Variants in ZNF142 observed in about 807,000 individuals in gnomAD.
ZNF142 encodes the protein zinc finger protein 142 (clone pHZ-49).
A neutral mutation model predicts 132.1 loss-of-function variants in ZNF142; 96 were observed. The ratio of observed to expected loss-of-function variants is 0.73; its 90% CI spans 0.62 to 0.86. The LOEUF (loss-of-function observed/expected upper bound fraction) is 0.86, where lower values mean the gene tolerates loss of function less well. ZNF142 is among the 40% of genes least tolerant of loss of function. ZNF142 has a pLI of 0.00. For synonymous variants in ZNF142, 842 were observed against 890.1 expected (o/e 0.95, Z 0.96); for missense variants, 2,163 against 2,336.2 (o/e 0.93, Z 1.53).
intron 4 of ZNF142, among the ~76,000 whole-genome samples, chr2:218,654,839 C>T (rs1222800387): frequency 6.6e-6 from 1 of 151,504 alleles, no homozygotes; most frequent in African/African-American, 2.4e-5. Flanking sequence ...AATCCCAAAA[C>T]TTTAGGAGGC....
rs1315499088 is a variant in ZNF142, at chr2:218,651,753, T to C, written c.828A>G (p.Thr276=). 3 of 1,289,712 alleles carry C rather than the reference T, an allele frequency of 2.3e-6. No individual in the cohort carries two copies. The highest frequency in any genetic ancestry group is 3.0e-6 in the Non-Finnish European group (3 of 988,862). The allele number at this position is 1,289,712 out of a possible 1,614,324, so 79.9% of individuals were successfully genotyped here. Residue 276 remains threonine, a synonymous_variant, in exon 5 of 11, where the codon ACA becomes ACG. Transcript: ENST00000411696. ...CCTGAACGGCAGAAAGTTCTCCCTG[T>C]GTCCCAGCACCATGGCTCCGCTGAT... ...RQHQRSHGAG[T]QGELSAVQGL... is the part of the protein sequence containing the mutation.
In ZNF142 at chr2:218,642,235, G is replaced by C; in HGVS notation, c.4881C>G (p.Pro1627=). Residue 1627 remains proline, a synonymous_variant, in exon 9 of 11, where the codon CCC becomes CCG. Coordinates refer to ENST00000411696, the MANE Select transcript of ZNF142 (RefSeq NM_001379659.1). The surrounding 1 kb of genome is among the most constrained non-coding windows in gnomAD (Gnocchi z 4.6). The part of the protein sequence containing the change: ...GDAGQPPLHC[P]FCDFTCRHQL... The stretch of plus-strand genomic sequence containing the variant: ...GATGGCGGCATGTGAAGTCACAAAA[G>C]GGGCAGTGTAGCGGGGGCTGGCCAG... 6.2e-7 allele frequency: 1 copy of C among 1,614,224 alleles called. No individual in the cohort carries two copies. The highest frequency in any genetic ancestry group is 8.5e-7 in the Non-Finnish European group (1 of 1,180,046).
Position 218,640,780 on chromosome 2 carries a change from C to A in ZNF142, c.5089-11G>T, listed in dbSNP as rs1171937576. The A allele has an allele frequency of 6.8e-6, 11 of 1,612,398 alleles. No individual in the cohort carries two copies. Among genetic ancestry groups the A allele is most frequent in the South Asian group, 1.1e-5 (1 of 90,948 alleles). On this transcript the variant is annotated splice_polypyrimidine_tract_variant and intron_variant, in intron 9 of 10. Coordinates refer to ENST00000411696, the MANE Select transcript of ZNF142 (RefSeq NM_001379659.1). ...GATCCGCATGTGGTACTGGAAGAGG[C>A]AAGAGCAAAAAGCAGAAAATATAGT...
In ZNF142 at chr2:218,638,565, A is replaced by AG; in HGVS notation, c.5437dup (p.Leu1813ProfsTer34). The AG allele has an allele frequency of 3.7e-6, 6 of 1,611,462 alleles. No individual in the cohort carries two copies. Among genetic ancestry groups the AG allele is most frequent in the Non-Finnish European group, 5.1e-6 (6 of 1,177,922 alleles). On this transcript the variant is annotated frameshift_variant, in exon 11 of 11. Transcript: ENST00000411696. LOFTEE classifies it high-confidence loss of function. ...GAAGGGGTGGCGGTCGGTGTGGGTG[A>AG]GGGCATGATGGCGCAGGCCAGCAGC...
chr2:218,644,802 C>CA lies in ZNF142; in HGVS notation c.2313dup (p.Glu772Ter), dbSNP rs769064323. ...TAGTCACAGAGGGCACAGTGGAACT[C>CA]ACGGAGGCGGGTATGCTTGCAGTTC... is the stretch of plus-strand genomic sequence containing the variant. On this transcript the variant is annotated frameshift_variant, in exon 9 of 11. Transcript: ENST00000411696. LOFTEE classifies it high-confidence loss of function. This position sits in a 1 kb window ranked among gnomAD's most constrained non-coding sequence, Gnocchi z 4.6. 1 of 1,614,234 alleles carries CA rather than the reference C, an allele frequency of 6.2e-7. No homozygotes were observed.
In ZNF142 at chr2:218,644,590, G is replaced by A. The variant is rs371849645; in HGVS notation, c.2526C>T (p.His842=). The A allele has an allele frequency of 3.8e-5, 61 of 1,614,048 alleles. No individual in the cohort carries two copies. Among genetic ancestry groups the A allele is most frequent in the Middle Eastern group, 3.3e-4 (2 of 6,084 alleles). Residue 842 remains histidine, a synonymous_variant, in exon 9 of 11, where the codon CAC becomes CAT. Coordinates refer to ENST00000411696, the MANE Select transcript of ZNF142 (RefSeq NM_001379659.1). The surrounding 1 kb of genome is among the most constrained non-coding windows in gnomAD (Gnocchi z 4.6). ...QLSARPEGPG[H]EPGTVVDPSL... ...TGGGGTCCACCACAGTCCCAGGTTC[G>A]TGACCTGGCCCCTCAGGTCGGGCTG...
rs777863697 is a variant in ZNF142, at chr2:218,643,646, GCAAGA to G, written c.3465_3469del (p.Leu1156HisfsTer20). On this transcript the variant is annotated frameshift_variant, in exon 9 of 11. Coordinates refer to ENST00000411696, the MANE Select transcript of ZNF142 (RefSeq NM_001379659.1). LOFTEE classifies it high-confidence loss of function. Reference sequence around the variant, plus strand: ...AGGGACTGGGGAACCAGAGACTGTGGCAAGAGGCTCTTCTGTTTCTTCTGGCTCCC... The same window carrying G: ...AGGGACTGGGGAACCAGAGACTGTGGGGCTCTTCTGTTTCTTCTGGCTCCC... 2.3e-5 allele frequency: 36 copies of G among 1,550,728 alleles called. No individual in the cohort carries two copies. Among genetic ancestry groups the G allele is most frequent in the Non-Finnish European group, 3.0e-5 (35 of 1,152,140 alleles).
chr2:218,634,555 C>T lies in ZNF142; in HGVS notation c.*3784G>A. The T allele has an allele frequency of 6.2e-7, 1 of 1,614,058 alleles. No homozygotes were observed. Among genetic ancestry groups the T allele is most frequent in the African/African-American group, 1.3e-5 (1 of 75,066 alleles). On this transcript the variant is annotated 3_prime_UTR_variant, in exon 11 of 11. Coordinates refer to ENST00000411696, the MANE Select transcript of ZNF142 (RefSeq NM_001379659.1). The surrounding 1 kb of genome is among the most constrained non-coding windows in gnomAD (Gnocchi z 4.0). ...GTGGCTATGTGCTGAAGCCAGACTT[C>T]CTGCGTGATATCCAGAGTTCTTTCC...
chr2:218,638,276 G>A lies in ZNF142; in HGVS notation c.*63C>T, dbSNP rs1280914665. ...TAGGCTCTGAGCTCCTCAGGCTAGC[G>A]CTGGTCCCAGTCTGCACATCTCAGA... On this transcript the variant is annotated 3_prime_UTR_variant, in exon 11 of 11. Transcript: ENST00000411696. 1.1e-5 allele frequency: 15 copies of A among 1,420,374 alleles called. No individual in the cohort carries two copies. Among genetic ancestry groups the A allele is most frequent in the South Asian group, 1.6e-5 (1 of 63,102 alleles). The allele number at this position is 1,420,374 out of a possible 1,614,324, so 88.0% of individuals were successfully genotyped here.
At chr2:218,652,356 A>G (rs756757928) in intron 4 of ZNF142, 56 bp from the exon 5 acceptor site, 4 of 453,990 alleles carry the variant, frequency 8.8e-6, no homozygotes, top group African/African-American at 8.0e-5. Context: ...CAAGACTCAT[A>G]GGAGTTAGTT....
chr2:218,643,364 C>A lies in ZNF142; in HGVS notation c.3752G>T (p.Gly1251Val), dbSNP rs1317526502. ...ITSHVAEGCR[G>V]GRGGGGKRGT... ...TCGTTTTCCTCCCCCGCCACGTCCC[C>A]CCCTGCAGCCTTCAGCCACGTGAGA... is the stretch of plus-strand genomic sequence containing the variant. Residue 1251 changes from glycine (G) to valine (V), a missense_variant, in exon 9 of 11, where the codon GGG (glycine) becomes GTG (valine). This residue lies in a region of ZNF142 where 809 missense variants were observed against 801.7 expected (regional missense o/e 1.01). Transcript: ENST00000411696. The A allele has an allele frequency of 4.3e-6, 7 of 1,614,230 alleles. No homozygotes were observed. The highest frequency in any genetic ancestry group is 5.9e-6 in the Non-Finnish European group (7 of 1,180,028).
chr2:218,638,467 C>G lies in ZNF142; in HGVS notation c.5536G>C (p.Asp1846His). Residue 1846 changes from aspartate (D) to histidine (H), a missense_variant, in exon 11 of 11, where the codon GAC (aspartate) becomes CAC (histidine). This residue lies in a region of ZNF142 where 325 missense variants were observed against 367.8 expected (regional missense o/e 0.88). Transcript: ENST00000411696. ...ACACCCTGGTTTGGGTCGGCTTGGT[C>G]AGGGTGGTGCCTGCGTACGTGCTTG... ...VVKHVRRHHP[D>H]QADPNQGVGK... 1 of 1,591,764 alleles carries G rather than the reference C, an allele frequency of 6.3e-7. No homozygotes were observed. Among genetic ancestry groups the G allele is most frequent in the Non-Finnish European group, 8.6e-7 (1 of 1,165,322 alleles).
chr2:218,640,837 C>T (rs1464482271), intron 9 of ZNF142, 68 bp from the exon 10 acceptor site: 2 of 1,300,804 alleles, frequency 1.5e-6, no homozygotes, highest in East Asian at 2.4e-5. Context: ...TGTTATTATC[C>T]AGGTTATTCT....
chr2:218,647,434 A>AAAAAAAAAAAAAAAAAAAAAC (rs1559297369), intron 7 of ZNF142, among the ~76,000 whole-genome samples: 1 of 147,258 alleles, frequency 6.8e-6, no homozygotes, highest in African/African-American at 2.5e-5. Flanking sequence ...AAAAAAAAAA[A>AAAAAAAAAAAAAAAAAAAAAC]AGCCTCCTCC....
intron 9 of ZNF142, among the ~76,000 whole-genome samples, chr2:218,641,478 T>A (rs1001099251): frequency 2.1e-5 from 3 of 145,734 alleles, no homozygotes; most frequent in Non-Finnish European, 4.5e-5. Flanking sequence ...TCTCCTGACC[T>A]CATGATCCGC....
At position 218,634,171 on chromosome 2, in the gene ZNF142, A is replaced by T; in HGVS notation, c.*4168T>A. On this transcript the variant is annotated 3_prime_UTR_variant, in exon 11 of 11. Transcript: ENST00000411696. The surrounding 1 kb of genome is among the most constrained non-coding windows in gnomAD (Gnocchi z 4.0). ...GTGTATCCCAGCGGCCTGAGGACAG[A>T]CTCTTCCAACTACAACCCCCAGGAA... 6.2e-7 allele frequency: 1 copy of T among 1,612,408 alleles called. No homozygotes were observed. Among genetic ancestry groups the T allele is most frequent in the Non-Finnish European group, 8.5e-7 (1 of 1,179,262 alleles).
chr2:218,658,529 G>A (rs1938856590), intron 3 of ZNF142, among the ~76,000 whole-genome samples, 172 bp downstream of exon 3: 1 of 147,388 alleles, frequency 6.8e-6, no homozygotes, highest in South Asian at 2.1e-4. Flanking sequence ...CAACAAGAGC[G>A]AAACTCCGTC....
intron 9 of ZNF142, among the ~76,000 whole-genome samples, chr2:218,641,825 C>T (rs534554571): frequency 2.6e-5 from 4 of 152,316 alleles, no homozygotes; most frequent in African/African-American, 7.2e-5. Flanking sequence ...GCGTGAGCCA[C>T]ATTATGGAAC....
At position 218,635,901 on chromosome 2, in the gene ZNF142, C is replaced by G; in HGVS notation, c.*2438G>C. The G allele has an allele frequency of 6.2e-7, 1 of 1,613,960 alleles. No homozygotes were observed. The highest frequency in any genetic ancestry group is 8.5e-7 in the Non-Finnish European group (1 of 1,179,898). The stretch of plus-strand genomic sequence containing the variant: ...CTTTGGCGTTCGTCTAGACACAGCA[C>G]GGCAGGAGACCAACTATGTGGAGAA... On this transcript the variant is annotated 3_prime_UTR_variant, in exon 11 of 11. Coordinates refer to ENST00000411696, the MANE Select transcript of ZNF142 (RefSeq NM_001379659.1).
Sources: allele counts gnomAD v4.1 joint callset (sites outside exome capture counted in the v4.1 genomes callset), GRCh38; gene constraint gnomAD v4.1.1; regional missense constraint gnomAD v4.1.1; non-coding constraint Gnocchi (gnomAD v3.1); transcripts MANE v1.5; gene names NCBI Gene and HGNC (gene_info 2026-07-23, HGNC 2026-07-21).